Variants in TSHR observed in about 807,000 individuals in gnomAD.
The protein encoded by TSHR is thyroid stimulating hormone receptor.
In TSHR, 51 loss-of-function variants were observed where a neutral mutation model predicts 64.1. The ratio of observed to expected loss-of-function variants is 0.80; its 90% confidence interval spans 0.64 to 1.01. The LOEUF is 1.01. TSHR is among the 50% of genes least tolerant of loss of function. TSHR has a pLI of 0.00. For synonymous variants in TSHR, 361 were observed against 361.9 expected (o/e 1.00, Z 0.03); for missense variants, 877 against 942.8 (o/e 0.93, Z 0.91).
At chr14:81,134,037 G>A (rs1238759109) in intron 8 of TSHR, among the ~76,000 whole-genome samples, 1 of 152,224 alleles carries the variant, frequency 6.6e-6, no homozygotes, top group Non-Finnish European at 1.5e-5. Context: ...AGAAGCCAGG[G>A]TTTAAGTCCA....
chr14:81,141,481 G>C (rs1278109249), intron 9 of TSHR, among the ~76,000 whole-genome samples: 1 of 152,262 alleles, frequency 6.6e-6, no homozygotes, highest in Non-Finnish European at 1.5e-5. Context: ...AAGCATGCCT[G>C]TATGGTAGTG....
intron 1 of TSHR, among the ~76,000 whole-genome samples, chr14:81,044,589 C>T (rs543465709): frequency 6.8e-5 from 10 of 147,036 alleles, no homozygotes; most frequent in Admixed American, 4.2e-4. Context: ...ACCTGGGAGG[C>T]GGAGGTTGCA....
At chr14:81,080,299 GA>G (rs1356723768) in intron 3 of TSHR, among the ~76,000 whole-genome samples, 1 of 152,142 alleles carries the variant, frequency 6.6e-6, no homozygotes, top group Admixed American at 6.5e-5. Context: ...TTACAACTGG[GA>G]TAGGTGAAAT....
intron 1 of TSHR, chr14:81,001,698 T>G (rs1889329058): frequency 2.1e-6 from 1 of 486,528 alleles, no homozygotes; most frequent in African/African-American, 2.0e-5. Flanking sequence ...CTTGTTGGCC[T>G]GGGCAGTTTC....
At chr14:80,997,929 T>G (rs1408158790) in intron 1 of TSHR, among the ~76,000 whole-genome samples, 1 of 152,168 alleles carries the variant, frequency 6.6e-6, no homozygotes, top group Non-Finnish European at 1.5e-5. Context: ...TGAGACTGTT[T>G]GTCTGAACTG....
At chr14:81,028,520 T>G (rs1001743440) in intron 1 of TSHR, among the ~76,000 whole-genome samples, 2 of 152,104 alleles carry the variant, frequency 1.3e-5, no homozygotes, top group African/African-American at 2.4e-5. Flanking sequence ...GGGCTCCATC[T>G]AGTAGTAAGG....
chr14:81,073,059 A>G (rs900121791), intron 3 of TSHR, among the ~76,000 whole-genome samples: 1 of 141,904 alleles, frequency 7.0e-6, no homozygotes, highest in African/African-American at 2.6e-5. Flanking sequence ...TAAAATGCAC[A>G]CAGTAACTAA....
At chr14:81,038,959 AT>A (rs1308674791) in intron 1 of TSHR, among the ~76,000 whole-genome samples, 1 of 151,758 alleles carries the variant, frequency 6.6e-6, no homozygotes, top group East Asian at 1.9e-4. Context: ...ATTCTACTGA[AT>A]ATTTAAAGAA....
At chr14:81,078,053 T>C (rs1254537549) in intron 3 of TSHR, among the ~76,000 whole-genome samples, 3 of 152,190 alleles carry the variant, frequency 2.0e-5, no homozygotes, top group East Asian at 3.8e-4. Context: ...ATTATTATGT[T>C]AACTTTAAAG....
At chr14:81,069,122 A>C (rs927056579) in intron 3 of TSHR, among the ~76,000 whole-genome samples, 11 of 151,824 alleles carry the variant, frequency 7.2e-5, no homozygotes, top group Non-Finnish European at 1.3e-4. Context: ...CATTACATTA[A>C]ACATTGTATG....
intron 1 of TSHR, among the ~76,000 whole-genome samples, chr14:80,974,603 T>C (rs1244966398): frequency 6.6e-6 from 1 of 152,216 alleles, no homozygotes; most frequent in Non-Finnish European, 1.5e-5. Context: ...ATGTGCTTTA[T>C]GAAGCATGAA....
At chr14:81,040,724 G>A (rs1250083110) in intron 1 of TSHR, among the ~76,000 whole-genome samples, 1 of 152,126 alleles carries the variant, frequency 6.6e-6, no homozygotes, top group East Asian at 1.9e-4. Flanking sequence ...AGAGTAAACA[G>A]ACAACCTACA....
rs1256020814 is a variant in TSHR, at chr14:81,143,456, C to T, written c.1398C>T (p.Tyr466=). The change falls in exon 10 of 10, where the codon TAC becomes TAT. Residue 466 remains tyrosine, a synonymous_variant. Transcript: ENST00000298171. Reference sequence around the variant, plus strand: ...TTGCGGATTTCTGCATGGGGATGTACCTGCTCCTCATCGCCTCTGTAGACC... The same window carrying T: ...TTGCGGATTTCTGCATGGGGATGTATCTGCTCCTCATCGCCTCTGTAGACC... ...LAFADFCMGM[Y]LLLIASVDLY... is the part of the protein sequence containing the mutation. 2 of 1,614,180 alleles carry T rather than the reference C, an allele frequency of 1.2e-6. No homozygotes were observed. Among genetic ancestry groups the T allele is most frequent in the Non-Finnish European group, 1.7e-6 (2 of 1,180,040 alleles).
intron 1 of TSHR, among the ~76,000 whole-genome samples, chr14:81,059,005 A>G (rs1245960385): frequency 3.3e-5 from 5 of 152,088 alleles, no homozygotes; most frequent in Non-Finnish European, 1.5e-5. Flanking sequence ...CCACAAAACT[A>G]CTGCAAATCA....
At chr14:81,104,618 G>A in intron 7 of TSHR, 1 of 985,414 alleles carries the variant, frequency 1.0e-6, no homozygotes, top group South Asian at 4.7e-5. Flanking sequence ...TGTGCCACGA[G>A]TGAGTCCAAC....
intron 1 of TSHR, chr14:80,982,377 TA>T: frequency 7.9e-7 from 1 of 1,267,914 alleles, no homozygotes; most frequent in Non-Finnish European, 1.1e-6. Context: ...AAGAGGCTGG[TA>T]ATCATTCCGG....
chr14:81,103,928 T>C lies in TSHR; in HGVS notation c.615-4447T>C. 1.0e-6 allele frequency: 1 copy of C among 985,454 alleles called. No homozygotes were observed. 61.0% of individuals were successfully genotyped at this position (985,454 alleles called of 1,614,324 possible). On this transcript the variant is annotated intron_variant, in intron 7 of 9. Coordinates refer to ENST00000298171, the MANE Select transcript of TSHR (RefSeq NM_000369.5). The surrounding 1 kb of genome is among the most constrained non-coding windows in gnomAD (Gnocchi z 4.1). ...ATATGCTAAGAGCCCACCAATACAC[T>C]AATTATTATGAACAGAGTCAACAGA...
At chr14:81,088,156 G>T in intron 4 of TSHR, 128 bp downstream of exon 4, 1 of 756,832 alleles carries the variant, frequency 1.3e-6, no homozygotes. Context: ...AGCCTGGGTC[G>T]GGGGCAAGGT....
At chr14:81,016,956 A>G (rs554457204) in intron 1 of TSHR, among the ~76,000 whole-genome samples, 1 of 152,334 alleles carries the variant, frequency 6.6e-6, no homozygotes, top group Admixed American at 6.5e-5. Flanking sequence ...GTGTGTTGGA[A>G]ACCAGCATGT....
Sources: allele counts gnomAD v4.1 joint callset (sites outside exome capture counted in the v4.1 genomes callset), GRCh38; gene constraint gnomAD v4.1.1; non-coding constraint Gnocchi (gnomAD v3.1); transcripts MANE v1.5; gene names NCBI Gene and HGNC (gene_info 2026-07-23, HGNC 2026-07-21).